The following DGCR8 variants were observed in gnomAD, a reference collection of about 807,000 sequenced individuals.
The protein encoded by DGCR8 is DGCR8 microprocessor complex subunit, also known as microprocessor complex subunit DGCR8.
A neutral mutation model predicts 78.5 loss-of-function variants in DGCR8; 14 were observed. The ratio of observed to expected loss-of-function variants is 0.18; its 90% CI spans 0.12 to 0.28. DGCR8 has a LOEUF of 0.28. Ranked by LOEUF, DGCR8 falls within the 10% of genes least tolerant of loss-of-function variation. The pLI is 1.00. For synonymous variants in DGCR8, 399 were observed against 402.4 expected (o/e 0.99, Z 0.10); for missense variants, 702 against 1,022.5 (o/e 0.69, Z 4.28).
At chr22:20,101,971 GCAT>G in intron 9 of DGCR8, 2 of 985,368 alleles carry the variant, frequency 2.0e-6, no homozygotes, top group Non-Finnish European at 2.4e-6. Flanking sequence ...GGAACAACTG[GCAT>G]CATTTCCTTT....
chr22:20,107,640 G>T, intron 12 of DGCR8: 1 of 537,028 alleles, frequency 1.9e-6, no homozygotes, highest in Non-Finnish European at 3.4e-6. Flanking sequence ...GCTGGGCCCA[G>T]CTATGTGGCT....
rs750870226 is a variant in DGCR8 at position 20,107,420 on chromosome 22, C to T, written c.2124+22C>T. ...GCAGGTAACTGGCCATCAGCAGGTC[C>T]CAGGGCAGCCTGTGCTGCCACCCTG... On this transcript the variant is annotated intron_variant, in intron 12 of 13. Coordinates refer to ENST00000351989, the MANE Select transcript of DGCR8 (RefSeq NM_022720.7). 5 of 1,613,354 alleles carry T rather than the reference C, an allele frequency of 3.1e-6. No homozygotes were observed. In the Admixed American group the frequency reaches 6.7e-5, roughly 22 times the overall value.
rs1414314525 is a variant in DGCR8 at position 20,110,103 on chromosome 22, G to A, written c.2317G>A (p.Val773Met). 9 of 1,609,486 alleles carry A rather than the reference G, an allele frequency of 5.6e-6. No homozygotes were observed. Among genetic ancestry groups the A allele is most frequent in the Admixed American group, 1.7e-5 (1 of 60,012 alleles). Residue 773 changes from valine (V) to methionine (M), a missense_variant, in exon 14 of 14, where the codon GTG (valine) becomes ATG (methionine). Val to Met is a conservative substitution (Grantham distance 21). Coordinates refer to ENST00000351989, the MANE Select transcript of DGCR8 (RefSeq NM_022720.7). ...CGGTGAGCCCCTGTGCACCGTGGAC[G>A]TGTGAGGGAGGTGGCACGGGCCAGG... is the stretch of plus-strand genomic sequence containing the variant. Reference protein sequence around the residue: ...PGGEPLCTVDV With the variant: ...PGGEPLCTVDM
intron 12 of DGCR8, 118 bp from the exon 13 acceptor site, chr22:20,108,772 T>C: frequency 6.9e-6 from 1 of 145,684 alleles, no homozygotes; most frequent in Admixed American, 1.7e-4. Flanking sequence ...GGCTGTTTCG[T>C]GTCTGCCAGA....
At chr22:20,104,013 C>T (rs2049738920) in intron 9 of DGCR8, among the ~76,000 whole-genome samples, 1 of 152,224 alleles carries the variant, frequency 6.6e-6, no homozygotes. Flanking sequence ...TGCTGTTTGT[C>T]AGAAGCAACA....
chr22:20,092,300 G>C (rs895240163), intron 7 of DGCR8, among the ~76,000 whole-genome samples: 1 of 152,132 alleles, frequency 6.6e-6, no homozygotes, highest in African/African-American at 2.4e-5. Flanking sequence ...TCCTTTCCCT[G>C]GTCTCCTGGT....
In DGCR8 at chr22:20,087,095, G is replaced by C. The variant is rs1256442045; in HGVS notation, c.721-67G>C. ...TTCTGTGTCTGTTCTCAGGAATGCTGTTGAGCTCTCCTGTTGCAGGAGCAT... is the reference window on the plus strand; with the variant it reads ...TTCTGTGTCTGTTCTCAGGAATGCTCTTGAGCTCTCCTGTTGCAGGAGCAT... On this transcript the variant is annotated intron_variant, in intron 2 of 13. Coordinates refer to ENST00000351989, the MANE Select transcript of DGCR8 (RefSeq NM_022720.7). The surrounding 1 kb of genome is among the most constrained non-coding windows in gnomAD (Gnocchi z 4.1). The C allele has an allele frequency of 1.3e-6, 2 of 1,543,048 alleles. No individual in the cohort carries two copies. Among genetic ancestry groups the C allele is most frequent in the Admixed American group, 1.9e-5 (1 of 52,456 alleles).
Position 20,080,355 on chromosome 22 carries a change from G to T in DGCR8, c.-306G>T, listed in dbSNP as rs2049402921. ...TTTCCCGGCTGTGGTTTGGCTGCGG[G>T]CGGCTTGGGCAGCCCGCGGGCGCCT... On this transcript the variant is annotated 5_prime_UTR_variant, in exon 1 of 14. Coordinates refer to ENST00000351989, the MANE Select transcript of DGCR8 (RefSeq NM_022720.7). The T allele has an allele frequency of 1.0e-6, 1 of 980,788 alleles. No individual in the cohort carries two copies. The highest frequency in any genetic ancestry group is 1.8e-5 in the African/African-American group (1 of 56,890). The allele number at this position is 980,788 out of a possible 1,614,324, so 60.8% of individuals were successfully genotyped here. A position where few individuals can be genotyped will look rare whatever the true frequency, so the allele number is the denominator to read the frequency against.
chr22:20,089,464 G>A lies in DGCR8; in HGVS notation c.881-205G>A, dbSNP rs1460601226. Among the ~76,000 whole-genome samples the A allele has an allele frequency of 1.3e-5, 2 of 152,278 alleles. No homozygotes were observed. Among genetic ancestry groups the A allele is most frequent in the South Asian group, 2.1e-4 (1 of 4,826 alleles). ...GCTCCTTCATGTGCTGGTTTGACAC[G>A]TGTAAATTCCCACCTCAGGCCACAT... On this transcript the variant is annotated intron_variant, in intron 3 of 13. Coordinates refer to ENST00000351989, the MANE Select transcript of DGCR8 (RefSeq NM_022720.7). This position sits in a 1 kb window ranked among gnomAD's most constrained non-coding sequence, Gnocchi z 4.9.
At chr22:20,103,583 G>T (rs550694587) in intron 9 of DGCR8, among the ~76,000 whole-genome samples, 1 of 152,018 alleles carries the variant, frequency 6.6e-6, no homozygotes, top group Non-Finnish European at 1.5e-5. Context: ...TCCTTTTCAT[G>T]TGTTAATGGC....
chr22:20,111,321 T>A lies in DGCR8; in HGVS notation c.*1213T>A, dbSNP rs1246724665. On this transcript the variant is annotated 3_prime_UTR_variant, in exon 14 of 14. Transcript: ENST00000351989. ...GAAGCAAGAGTCCAGCGTTCTGCCGTGTCTGTCCCCCACCATGCCCCCTAC... is the reference window on the plus strand; with the variant it reads ...GAAGCAAGAGTCCAGCGTTCTGCCGAGTCTGTCCCCCACCATGCCCCCTAC... The A allele has an allele frequency of 2.5e-6, 1 of 398,228 alleles. No individual in the cohort carries two copies. The highest frequency in any genetic ancestry group is 4.4e-6 in the Non-Finnish European group (1 of 226,196). 24.7% of individuals were successfully genotyped at this position (398,228 alleles called of 1,614,324 possible).
intron 9 of DGCR8, among the ~76,000 whole-genome samples, chr22:20,099,723 G>T (rs570176103): frequency 6.6e-6 from 1 of 152,292 alleles, no homozygotes; most frequent in East Asian, 1.9e-4. Flanking sequence ...GCAGATTTTG[G>T]AGGTCCTTAT....
At chr22:20,100,485 T>C in intron 9 of DGCR8, 1 of 985,420 alleles carries the variant, frequency 1.0e-6, no homozygotes, top group Non-Finnish European at 1.2e-6. Context: ...TAGTATGGGT[T>C]GCTGCAGACG....
intron 8 of DGCR8, among the ~76,000 whole-genome samples, chr22:20,094,033 C>T (rs945083453): frequency 6.6e-6 from 1 of 152,170 alleles, no homozygotes; most frequent in Non-Finnish European, 1.5e-5. Context: ...GCAGTGGGGC[C>T]TTTTGTGGGG....
At chr22:20,094,038 G>A (rs1394801487) in intron 8 of DGCR8, among the ~76,000 whole-genome samples, 1 of 152,216 alleles carries the variant, frequency 6.6e-6, no homozygotes, top group African/African-American at 2.4e-5. Context: ...GGGGCCTTTT[G>A]TGGGGGTGGA....
At chr22:20,082,309 C>G (rs1056116636) in intron 1 of DGCR8, among the ~76,000 whole-genome samples, 1 of 152,074 alleles carries the variant, frequency 6.6e-6, no homozygotes, top group Non-Finnish European at 1.5e-5. Context: ...ATCTGCCTGC[C>G]TCAGCCTTCC....
intron 5 of DGCR8, among the ~76,000 whole-genome samples, chr22:20,090,797 G>C (rs1182503904): frequency 6.6e-6 from 1 of 152,208 alleles, no homozygotes; most frequent in East Asian, 1.9e-4. Flanking sequence ...TTCAGGTGTG[G>C]CAGGTCTCTG....
chr22:20,111,286 T>C lies in DGCR8; in HGVS notation c.*1178T>C, dbSNP rs953415268. The C allele has an allele frequency of 2.3e-5, 9 of 398,532 alleles. No homozygotes were observed. The highest frequency in any genetic ancestry group is 1.4e-4 in the African/African-American group (7 of 48,610). The allele number at this position is 398,532 out of a possible 1,614,324, so 24.7% of individuals were successfully genotyped here. A position where few individuals can be genotyped will look rare whatever the true frequency, so the allele number is the denominator to read the frequency against. On this transcript the variant is annotated 3_prime_UTR_variant, in exon 14 of 14. Coordinates refer to ENST00000351989, the MANE Select transcript of DGCR8 (RefSeq NM_022720.7). Reference sequence around the variant, plus strand: ...TGTGCAGAGTGCCGTGTGCTTGTGGTGCGCCATCTGAAGCAAGAGTCCAGC... The same window carrying C: ...TGTGCAGAGTGCCGTGTGCTTGTGGCGCGCCATCTGAAGCAAGAGTCCAGC...
intron 9 of DGCR8, chr22:20,100,228 G>A (rs1433152317): frequency 2.2e-5 from 10 of 463,968 alleles, no homozygotes; most frequent in African/African-American, 4.3e-5. Flanking sequence ...CACCACGCCC[G>A]GCTAATTTTT....
Sources: gnomAD v4.1 joint callset for allele counts (sites outside exome capture counted in the v4.1 genomes callset) on GRCh38, gnomAD v4.1.1 for gene constraint, Gnocchi (gnomAD v3.1) non-coding constraint, MANE v1.5 for transcripts, NCBI Gene and HGNC (gene_info 2026-07-23, HGNC 2026-07-21) for gene names.